Variants in C20orf96 observed in about 807,000 individuals in gnomAD.
The protein encoded by C20orf96 is chromosome 20 open reading frame 96.
In C20orf96, 57 loss-of-function variants were observed where a neutral mutation model predicts 52.6. The observed-to-expected ratio is 1.08, with a 90% CI of 0.88 to 1.35. C20orf96 has a LOEUF of 1.35. Among genes scored for constraint, C20orf96 ranks in the 40% most tolerant of loss-of-function variants. The pLI, the probability that C20orf96 is intolerant of heterozygous loss-of-function variation, is 0.00. For synonymous variants in C20orf96, 168 were observed against 157.2 expected, an observed-to-expected ratio of 1.07 and a Z score of -0.51; for missense variants, 478 against 443.6, an observed-to-expected ratio of 1.08 and a Z score of -0.70.
In C20orf96 at chr20:290,580, T is replaced by TC; in HGVS notation, c.20+10_20+11insG. ...TTCTTCCAATTTTTTTTTTTTTTTTTTTTTACCTACTTTTGTAAGACATGC... is the reference window on the plus strand; with the variant it reads ...TTCTTCCAATTTTTTTTTTTTTTTTTCTTTTACCTACTTTTGTAAGACATGC... On this transcript the variant is annotated intron_variant, in intron 1 of 10. Transcript: ENST00000360321. The TC allele has an allele frequency of 1.9e-6, 3 of 1,576,446 alleles. No individual in the cohort carries two copies. Among genetic ancestry groups the TC allele is most frequent in the East Asian group, 2.3e-5 (1 of 43,768 alleles).
intron 3 of C20orf96, among the ~76,000 whole-genome samples, chr20:284,385 C>T (rs77057324): frequency 1.4e-3 from 214 of 152,348 alleles, no homozygotes; most frequent in African/African-American, 4.9e-3. Context: ...GAAAGAGAGT[C>T]GGGAACTCCC....
At chr20:289,534 C>G (rs1377920623) in intron 3 of C20orf96, 25 bp downstream of exon 3, 1 of 1,526,688 alleles carries the variant, frequency 6.6e-7, no homozygotes, top group East Asian at 2.2e-5. Flanking sequence ...AACCCCCACA[C>G]CAGCTCCCAG....
At chr20:279,062 G>GGGACGGAGGGAGGGCGGGCGGGAC in intron 5 of C20orf96, 110 bp downstream of exon 5, 1 of 223,188 alleles carries the variant, frequency 4.5e-6, no homozygotes, top group Non-Finnish European at 6.4e-6. Context: ...GCGGGACGGA[G>GGGACGGAGGGAGGGCGGGCGGGAC]GGAGGGAGGG....
In C20orf96 at chr20:277,360, G is replaced by C. The variant is rs200957700; in HGVS notation, c.589C>G (p.Leu197Val). Reference sequence around the variant, plus strand: ...TGGGTCTTCTCAATCTTGGCATTCAGCTGCTCTGCCTGCTGCTCAAGATCT... The same window carrying C: ...TGGGTCTTCTCAATCTTGGCATTCACCTGCTCTGCCTGCTGCTCAAGATCT... Reference protein sequence around the residue: ...MSYLEQQAEQLNAKIEKTQEE... With the variant: ...MSYLEQQAEQVNAKIEKTQEE... The change falls in exon 7 of 11, where the codon CTG (leucine) becomes GTG (valine). Residue 197 changes from leucine to valine, a missense_variant. Coordinates refer to ENST00000360321, the MANE Select transcript of C20orf96 (RefSeq NM_153269.3). The C allele has an allele frequency of 1.7e-4, 274 of 1,613,896 alleles. 1 individual carries two copies. Among genetic ancestry groups the C allele is most frequent in the Non-Finnish European group, 2.1e-4 (248 of 1,180,032 alleles).
chr20:283,330 G>A (rs1446600075), intron 4 of C20orf96, among the ~76,000 whole-genome samples: 2 of 151,338 alleles, frequency 1.3e-5, no homozygotes, highest in East Asian at 3.9e-4. Context: ...TTGAGATGAA[G>A]TCTCACTCTG....
rs1406520212 is a variant in C20orf96, at chr20:277,053, A to G, written c.816T>C (p.Ser272=). The stretch of plus-strand genomic sequence containing the variant: ...GCAACTGGCTACTCACCGCCACCAC[A>G]GAACTCAGAATTTTTTTCTTCTTCT... The part of the protein sequence containing the change: ...IQKKKKKILS[S]VVAETQRPYE... Residue 272 remains serine, a synonymous_variant, in exon 8 of 11, where the codon TCT becomes TCC. Transcript: ENST00000360321. 4 of 1,613,672 alleles carry G rather than the reference A, an allele frequency of 2.5e-6. No homozygotes were observed. The highest frequency in any genetic ancestry group is 3.3e-5 in the Admixed American group (2 of 59,992).
At chr20:284,111 G>T in intron 3 of C20orf96, 30 bp from the exon 4 acceptor site, 1 of 1,582,534 alleles carries the variant, frequency 6.3e-7, no homozygotes, top group Non-Finnish European at 8.7e-7. Flanking sequence ...GACAGGGAGA[G>T]AGTGAGGGTC....
intron 3 of C20orf96, among the ~76,000 whole-genome samples, chr20:284,371 G>A (rs1405313709): frequency 6.6e-6 from 1 of 152,252 alleles, no homozygotes; most frequent in Non-Finnish European, 1.5e-5. Flanking sequence ...CAAATGTCCA[G>A]TCAGAAAGAG....
At chr20:290,459 T>C in intron 1 of C20orf96, 132 bp downstream of exon 1, 1 of 1,507,478 alleles carries the variant, frequency 6.6e-7, no homozygotes, top group African/African-American at 1.6e-5. Flanking sequence ...CAAGGAGATG[T>C]GGGCGGGGAG....
At position 277,155 on chromosome 20, in the gene C20orf96, A is replaced by T. The variant is rs1451557144; in HGVS notation, c.724-10T>A. 1.9e-6 allele frequency: 3 copies of T among 1,613,672 alleles called. No individual in the cohort carries two copies. The highest frequency in any genetic ancestry group is 2.5e-6 in the Non-Finnish European group (3 of 1,179,792). On this transcript the variant is annotated splice_polypyrimidine_tract_variant and intron_variant, in intron 7 of 10. Coordinates refer to ENST00000360321, the MANE Select transcript of C20orf96 (RefSeq NM_153269.3). ...GGTCATCCAGCTCATCCTGGGAGCC[A>T]GCAGAAGGGTGTTGGTCACCAGTCC...
Position 290,254 on chromosome 20 carries a change from C to G in C20orf96, c.69+5G>C, listed in dbSNP as rs2012503731. ...CCACCCCAGCCCTAGTCCCCCAAGA[C>G]TCACCGGAACCTGGAACTCCTGGAC... On this transcript the variant is annotated splice_donor_5th_base_variant and intron_variant, in intron 2 of 10. Transcript: ENST00000360321. 6.2e-7 allele frequency: 1 copy of G among 1,611,148 alleles called. No individual in the cohort carries two copies. The highest frequency in any genetic ancestry group is 1.7e-5 in the Admixed American group (1 of 59,800).
intron 10 of C20orf96, among the ~76,000 whole-genome samples, chr20:274,682 C>T (rs930329275): frequency 1.3e-5 from 2 of 152,154 alleles, no homozygotes; most frequent in African/African-American, 4.8e-5. Context: ...TTCAGCTCCC[C>T]CATCAGTCTC....
chr20:276,068 C>G lies in C20orf96; in HGVS notation c.931G>C (p.Glu311Gln). Residue 311 changes from glutamate (E) to glutamine (Q), a missense_variant, in exon 10 of 11, where the codon GAG becomes CAG. Coordinates refer to ENST00000360321, the MANE Select transcript of C20orf96 (RefSeq NM_153269.3). ...TCGGCCCTTAATACAGGCATGTTCT[C>G]CTCAAACTGGTCAATAATCTGAGAG... is the stretch of plus-strand genomic sequence containing the variant. Reference protein sequence around the residue: ...RFREIIDQFEENMPVLRAEVE... With the variant: ...RFREIIDQFEQNMPVLRAEVE... The G allele has an allele frequency of 1.2e-6, 2 of 1,614,118 alleles. No homozygotes were observed. The highest frequency in any genetic ancestry group is 2.2e-5 in the East Asian group (1 of 44,876).
Position 275,906 on chromosome 20 carries a change from G to C in C20orf96, c.1031+62C>G, listed in dbSNP as rs1600184204. ...CACCAGGCTGCCTTCCCCAAGAACA[G>C]AGAGCCTCCGTGAGCTCAGAGTGTG... is the stretch of plus-strand genomic sequence containing the variant. On this transcript the variant is annotated intron_variant, in intron 10 of 10. Transcript: ENST00000360321. 6 of 1,496,662 alleles carry C rather than the reference G, an allele frequency of 4.0e-6. No individual in the cohort carries two copies. In the African/African-American group the frequency reaches 8.3e-5, roughly 21 times the overall value. 92.7% of individuals were successfully genotyped at this position (1,496,662 alleles called of 1,614,324 possible).
In C20orf96 at chr20:276,738, G is replaced by C. The variant is rs185436417; in HGVS notation, c.912+55C>G. ...CCTGACTCATTCCCACAGGCCGTGG[G>C]GACTGCCCATCCACTGCTTCCCTAC... On this transcript the variant is annotated intron_variant, in intron 9 of 10. Coordinates refer to ENST00000360321, the MANE Select transcript of C20orf96 (RefSeq NM_153269.3). 6 of 1,586,058 alleles carry C rather than the reference G, an allele frequency of 3.8e-6. No homozygotes were observed. The African/African-American group carries it at 8.1e-5, about 21-fold the overall frequency.
chr20:271,443 T>TACACACACACACACAC (rs71191933), intron 10 of C20orf96, among the ~76,000 whole-genome samples, 176 bp from the exon 11 acceptor site: 1 of 134,540 alleles, frequency 7.4e-6, no homozygotes, highest in Non-Finnish European at 1.7e-5. Context: ...TACACAAGCA[T>TACACACACACACACAC]ACACACACAC....
intron 10 of C20orf96, among the ~76,000 whole-genome samples, chr20:273,367 G>A (rs2011901954): frequency 1.3e-5 from 2 of 152,100 alleles, no homozygotes; most frequent in Admixed American, 1.3e-4. Context: ...GAACATCTGG[G>A]CCTACAGGGC....
At chr20:288,197 T>TG (rs2012445498) in intron 3 of C20orf96, among the ~76,000 whole-genome samples, 1 of 146,310 alleles carries the variant, frequency 6.8e-6, no homozygotes, top group African/African-American at 2.5e-5. Context: ...TTTTTTTTTT[T>TG]GCCTATGGGT....
Position 271,255 on chromosome 20 carries a change from G to A in C20orf96, c.1044C>T (p.Asp348=), listed in dbSNP as rs1168789349. 1.0e-5 allele frequency: 16 copies of A among 1,555,788 alleles called. No individual in the cohort carries two copies. The highest frequency in any genetic ancestry group is 1.4e-5 in the Non-Finnish European group (16 of 1,149,270). ...CAGGAATGTTGAGGATGACATCCATGTCTGGGGTGCACCTGGTGGGAGGCA... is the reference window on the plus strand; with the variant it reads ...CAGGAATGTTGAGGATGACATCCATATCTGGGGTGCACCTGGTGGGAGGCA... ...VLLRRPKCTP[D]MDVILNIPVE... is the part of the protein sequence containing the mutation. Residue 348 remains aspartate, a synonymous_variant, in exon 11 of 11, where the codon GAC becomes GAT. Coordinates refer to ENST00000360321, the MANE Select transcript of C20orf96 (RefSeq NM_153269.3).
Sources: allele counts gnomAD v4.1 joint callset (sites outside exome capture counted in the v4.1 genomes callset), GRCh38; gene constraint gnomAD v4.1.1; transcripts MANE v1.5; gene names NCBI Gene and HGNC (gene_info 2026-07-23, HGNC 2026-07-21).